ADAMTS12: variants seen among roughly 807,000 people sequenced by gnomAD.
ADAMTS12 encodes ADAM metallopeptidase with thrombospondin type 1 motif 12.
ADAMTS12 carries 118 observed loss-of-function variants against 167.8 expected under a neutral mutation model. That is an observed-to-expected ratio of 0.70 (90% CI 0.61 to 0.82). The LOEUF (loss-of-function observed/expected upper bound fraction) is 0.82, where lower values mean the gene tolerates loss of function less well. ADAMTS12 is among the 40% of genes least tolerant of loss of function. The probability of loss-of-function intolerance (pLI) is 0.00; values close to 1 mark genes in which losing one functional copy is unlikely to be tolerated. For missense variants in ADAMTS12, 1,916 were observed against 1,998.8 expected (o/e 0.96, Z 0.79); for synonymous variants, 704 against 716.9 (o/e 0.98, Z 0.29).
rs1750176433 is a variant in ADAMTS12 at position 33,875,105 on chromosome 5, T to C, written c.489+6014A>G. 2.0e-5 allele frequency among the ~76,000 whole-genome samples: 3 copies of C among 152,326 alleles called. No individual in the cohort carries two copies. In the South Asian group the frequency reaches 6.2e-4, roughly 32 times the overall value. ...CAATCTGAAAAGGCTACATATTGTA[T>C]GCTTTACAACTATATGACATTCTAT... On this transcript the variant is annotated intron_variant, in intron 2 of 23. Transcript: ENST00000504830.
intron 3 of ADAMTS12, among the ~76,000 whole-genome samples, chr5:33,696,586 A>G (rs529593032): frequency 6.6e-5 from 10 of 152,042 alleles, no homozygotes; most frequent in Admixed American, 6.6e-4. Flanking sequence ...TTTTTCCCTC[A>G]TCTAATTAGA....
At chr5:33,830,057 T>C (rs552361469) in intron 2 of ADAMTS12, among the ~76,000 whole-genome samples, 3 of 152,194 alleles carry the variant, frequency 2.0e-5, no homozygotes, top group African/African-American at 7.2e-5. Context: ...GGCTTTGATA[T>C]AAATCAAAGC....
rs368740652 is a variant in ADAMTS12 at position 33,576,628 on chromosome 5, C to T, written c.3398G>A (p.Arg1133His). 66 of 1,614,030 alleles carry T rather than the reference C, an allele frequency of 4.1e-5. No individual in the cohort carries two copies. The highest frequency in any genetic ancestry group is 3.5e-4 in the African/African-American group (26 of 74,908). ...AGTCACAGGCCAAGTGATAGGGTTG[C>T]GGGAAGATGACAAGCCAGAACCACT... ...TTSGSGLSSS[R>H]NPITWPVTPF... Residue 1133 changes from arginine (R) to histidine (H), a missense_variant, in exon 19 of 24, where the codon CGC becomes CAC. By Grantham distance (29) the Arg-to-His change is conservative. Coordinates refer to ENST00000504830, the MANE Select transcript of ADAMTS12 (RefSeq NM_030955.4).
chr5:33,654,210 A>T (rs956566623), intron 7 of ADAMTS12, among the ~76,000 whole-genome samples: 2 of 151,994 alleles, frequency 1.3e-5, no homozygotes, highest in Non-Finnish European at 2.9e-5. Flanking sequence ...ATTTGTTTAA[A>T]GGTTGTTGAT....
At chr5:33,659,862 C>T (rs865881379) in intron 6 of ADAMTS12, among the ~76,000 whole-genome samples, 2 of 152,318 alleles carry the variant, frequency 1.3e-5, no homozygotes, top group South Asian at 2.1e-4. Flanking sequence ...TCCCTCCCTT[C>T]GTGATCCTAC....
intron 3 of ADAMTS12, among the ~76,000 whole-genome samples, chr5:33,699,144 C>T (rs990176265): frequency 6.6e-5 from 10 of 151,608 alleles, no homozygotes; most frequent in Admixed American, 1.3e-4. Context: ...GCAACAAAAG[C>T]GAAACTCCAT....
intron 4 of ADAMTS12, 56 bp downstream of exon 4, chr5:33,683,803 C>T (rs1742219361): frequency 7.7e-7 from 1 of 1,299,802 alleles, no homozygotes; most frequent in Admixed American, 2.9e-5. Flanking sequence ...TTTATGTAAG[C>T]ATTTCTAATG....
intron 2 of ADAMTS12, among the ~76,000 whole-genome samples, chr5:33,778,702 G>C (rs1312613991): frequency 2.6e-5 from 4 of 151,820 alleles, no homozygotes; most frequent in Non-Finnish European, 5.9e-5. Flanking sequence ...CTTCTGCACA[G>C]CAAAGAAAAA....
At chr5:33,759,538 G>A (rs915374349) in intron 2 of ADAMTS12, among the ~76,000 whole-genome samples, 4 of 152,138 alleles carry the variant, frequency 2.6e-5, no homozygotes, top group African/African-American at 9.7e-5. Flanking sequence ...ACCCCAAACA[G>A]TGCCAACCTT....
At chr5:33,818,821 T>G (rs1434040238) in intron 2 of ADAMTS12, among the ~76,000 whole-genome samples, 1 of 152,158 alleles carries the variant, frequency 6.6e-6, no homozygotes, top group Non-Finnish European at 1.5e-5. Context: ...TTAATTTGCA[T>G]TTCCTTGATG....
intron 2 of ADAMTS12, among the ~76,000 whole-genome samples, chr5:33,807,410 A>G (rs550742150): frequency 6.6e-6 from 1 of 152,306 alleles, no homozygotes; most frequent in East Asian, 1.9e-4. Context: ...TAGCTGCGAG[A>G]TCTTAGTCAA....
intron 22 of ADAMTS12, among the ~76,000 whole-genome samples, chr5:33,544,310 T>A (rs1338234553): frequency 6.6e-6 from 1 of 152,190 alleles, no homozygotes; most frequent in Non-Finnish European, 1.5e-5. Flanking sequence ...ACAAGGTATG[T>A]GATGGACCTC....
intron 3 of ADAMTS12, among the ~76,000 whole-genome samples, chr5:33,715,089 C>A (rs564069103): frequency 4.6e-5 from 7 of 151,904 alleles, no homozygotes; most frequent in Admixed American, 4.6e-4. Flanking sequence ...TATTATGTAA[C>A]AATAAATAAA....
At chr5:33,752,374 A>T (rs1745019420) in intron 2 of ADAMTS12, among the ~76,000 whole-genome samples, 1 of 152,226 alleles carries the variant, frequency 6.6e-6, no homozygotes, top group Admixed American at 6.5e-5. Context: ...TGACCTAGAC[A>T]GACTGCTTGG....
intron 12 of ADAMTS12, among the ~76,000 whole-genome samples, chr5:33,633,398 C>G (rs1740049997): frequency 6.6e-6 from 1 of 150,448 alleles, no homozygotes; most frequent in Non-Finnish European, 1.5e-5. Context: ...TGTGTGTTGA[C>G]TATAAGTATA....
intron 2 of ADAMTS12, among the ~76,000 whole-genome samples, chr5:33,781,603 T>G (rs542201173): frequency 6.6e-6 from 1 of 152,274 alleles, no homozygotes; most frequent in African/African-American, 2.4e-5. Context: ...GCTGAGACAC[T>G]GGGAGACACT....
rs534119418 is a variant in ADAMTS12 at position 33,578,821 on chromosome 5, T to C, written c.2866-1661A>G. Among the ~76,000 whole-genome samples, 14 of 152,346 alleles carry C rather than the reference T, an allele frequency of 9.2e-5. No homozygotes were observed. In the South Asian group the frequency reaches 2.7e-3, roughly 29 times the overall value. On this transcript the variant is annotated intron_variant, in intron 18 of 23. Transcript: ENST00000504830. ...CAGATGCTGTGAGCACAGGAGAATGTACAGCTGAAGGAGTGTCGAACTGTG... is the reference window on the plus strand; with the variant it reads ...CAGATGCTGTGAGCACAGGAGAATGCACAGCTGAAGGAGTGTCGAACTGTG...
intron 3 of ADAMTS12, among the ~76,000 whole-genome samples, chr5:33,697,730 C>G (rs75243888): frequency 6.6e-6 from 1 of 151,802 alleles, no homozygotes. Context: ...CTTTCTTTTA[C>G]GTGCCCACCT....
intron 5 of ADAMTS12, among the ~76,000 whole-genome samples, chr5:33,680,900 G>A (rs1742088467): frequency 6.6e-6 from 1 of 152,092 alleles, no homozygotes; most frequent in East Asian, 1.9e-4. Flanking sequence ...ACCATCTTCA[G>A]AATTATCTTC....
Sources: allele counts gnomAD v4.1 joint callset (sites outside exome capture counted in the v4.1 genomes callset), GRCh38; gene constraint gnomAD v4.1.1; transcripts MANE v1.5; gene names NCBI Gene and HGNC (gene_info 2026-07-23, HGNC 2026-07-21).